The following ZNF469 variants were observed in gnomAD, a reference collection of about 807,000 sequenced individuals.
ZNF469 encodes the protein zinc finger protein 469.
In ZNF469, 1 loss-of-function variant was observed where a neutral mutation model predicts 1.0. The ratio of observed to expected loss-of-function variants is 1.00; its 90% confidence interval spans 0.35 to 4.73. The LOEUF (loss-of-function observed/expected upper bound fraction) is 4.73, where lower values mean the gene tolerates loss of function less well. Ranked by LOEUF, ZNF469 falls within the 30% of genes most tolerant of loss-of-function variation. The pLI is 0.16. For missense variants in ZNF469, 6,100 were observed against 5,356.3 expected (o/e 1.14, Z -4.33); for synonymous variants, 2,703 against 2,363.4 (o/e 1.14, Z -4.17).
At position 88,433,833 on chromosome 16, in the gene ZNF469, C is replaced by G. The variant is rs1400950943; in HGVS notation, c.6363C>G (p.Ala2121=). Residue 2121 remains alanine, a synonymous_variant, in exon 3 of 3, where the codon GCC becomes GCG. Transcript: ENST00000565624. The part of the protein sequence containing the change: ...AACAPSPTSA[A]HMPCSLGPLP... Reference sequence around the variant, plus strand: ...GCGCCCCCTCACCCACTTCAGCCGCCCACATGCCCTGCAGCCTTGGGCCCC... The same window carrying G: ...GCGCCCCCTCACCCACTTCAGCCGCGCACATGCCCTGCAGCCTTGGGCCCC... 6.5e-7 allele frequency: 1 copy of G among 1,549,874 alleles called. No individual in the cohort carries two copies. Among genetic ancestry groups the G allele is most frequent in the South Asian group, 1.2e-5 (1 of 84,014 alleles).
At chr16:88,140,975 G>A in the ZNF469 span, among the ~76,000 whole-genome samples, 1,603 of 152,162 alleles carry the variant, frequency 0.011, 29 homozygotes, top group African/African-American at 0.034. Context: ...CAAGTCTAGC[G>A]TATGGCCCTT....
At chr16:88,234,250 C>T in the ZNF469 span, among the ~76,000 whole-genome samples, 1 of 152,224 alleles carries the variant, frequency 6.6e-6, no homozygotes, top group Non-Finnish European at 1.5e-5. Context: ...CATGCAGGCA[C>T]GTGGGTCGTG....
chr16:88,283,498 AG>A, the ZNF469 span, among the ~76,000 whole-genome samples: 61 of 152,362 alleles, frequency 4.0e-4, no homozygotes, highest in African/African-American at 1.4e-3. Context: ...CTGTGAGCCT[AG>A]GCAGTGGGTC....
the ZNF469 span, among the ~76,000 whole-genome samples, chr16:88,188,998 G>C: frequency 6.6e-6 from 1 of 152,028 alleles, no homozygotes; most frequent in East Asian, 1.9e-4. Flanking sequence ...CTTTTGGAAA[G>C]GAAGGTCCTT....
the ZNF469 span, among the ~76,000 whole-genome samples, chr16:88,297,861 T>A: frequency 6.6e-6 from 1 of 152,064 alleles, no homozygotes; most frequent in Admixed American, 6.5e-5. Context: ...CTCTTTAGGG[T>A]ACATTATTGA....
the ZNF469 span, among the ~76,000 whole-genome samples, chr16:88,219,062 G>A: frequency 6.7e-6 from 1 of 149,640 alleles, no homozygotes; most frequent in Non-Finnish European, 1.5e-5. Flanking sequence ...AACTGACAAG[G>A]GATGTGAAGG....
intron 1 of ZNF469, among the ~76,000 whole-genome samples, chr16:88,397,220 C>T (rs73249824): frequency 7.2e-4 from 110 of 152,374 alleles, no homozygotes; most frequent in African/African-American, 2.5e-3. Context: ...CCCAGGGAAG[C>T]CTCTCATTGG....
chr16:88,199,798 C>T, the ZNF469 span, among the ~76,000 whole-genome samples: 29 of 152,318 alleles, frequency 1.9e-4, no homozygotes, highest in African/African-American at 5.3e-4. Context: ...AGGGACTCAG[C>T]GTCCCCACCT....
At chr16:88,244,452 G>A in the ZNF469 span, among the ~76,000 whole-genome samples, 1 of 150,544 alleles carries the variant, frequency 6.6e-6, no homozygotes, top group African/African-American at 2.5e-5. Flanking sequence ...TAGATGGATG[G>A]ATGGGTGGAA....
chr16:88,192,449 TAAGGAA>T, the ZNF469 span, among the ~76,000 whole-genome samples: 8 of 152,056 alleles, frequency 5.3e-5, no homozygotes, highest in African/African-American at 1.9e-4. Context: ...CATGCGGTAA[TAAGGAA>T]AAGAAAATGG....
At chr16:88,197,353 A>C in the ZNF469 span, among the ~76,000 whole-genome samples, 4 of 152,224 alleles carry the variant, frequency 2.6e-5, no homozygotes, top group African/African-American at 9.6e-5. Flanking sequence ...GAGCAGGGGC[A>C]GCTTCTTCAT....
chr16:88,247,648 G>A, the ZNF469 span, among the ~76,000 whole-genome samples: 4 of 150,074 alleles, frequency 2.7e-5, no homozygotes, highest in African/African-American at 1.0e-4. Flanking sequence ...ATGAGTGGAT[G>A]AGTGAGTGAG....
At chr16:88,312,778 G>A in the ZNF469 span, among the ~76,000 whole-genome samples, 97 of 152,292 alleles carry the variant, frequency 6.4e-4, no homozygotes, top group African/African-American at 2.1e-3. Flanking sequence ...CAGTCAATGC[G>A]TCTGCCTTGT....
chr16:88,358,350 C>T, the ZNF469 span, among the ~76,000 whole-genome samples: 1 of 152,214 alleles, frequency 6.6e-6, no homozygotes. Flanking sequence ...CCGTGTTGGG[C>T]AGAGTGTCAT....
the ZNF469 span, among the ~76,000 whole-genome samples, chr16:88,149,214 G>T: frequency 1.3e-5 from 2 of 152,274 alleles, no homozygotes; most frequent in East Asian, 1.9e-4. Context: ...CAGCAGCCAG[G>T]CCCGCTTCTT....
At chr16:88,401,976 ATACG>A (rs1904892458) in intron 1 of ZNF469, among the ~76,000 whole-genome samples, 1 of 135,280 alleles carries the variant, frequency 7.4e-6, no homozygotes, top group Non-Finnish European at 1.6e-5. Context: ...GGATGGATAG[ATACG>A]TGGGTGGATG....
the ZNF469 span, among the ~76,000 whole-genome samples, chr16:88,117,790 A>G: frequency 2.6e-5 from 4 of 152,164 alleles, no homozygotes; most frequent in African/African-American, 9.7e-5. Flanking sequence ...GTGACCTGGG[A>G]GGTGGACCTG....
the ZNF469 span, among the ~76,000 whole-genome samples, chr16:88,200,885 G>A: frequency 6.6e-6 from 1 of 152,214 alleles, no homozygotes; most frequent in African/African-American, 2.4e-5. Context: ...TCCTCCGGCC[G>A]CCCCCGGCTG....
the ZNF469 span, among the ~76,000 whole-genome samples, chr16:88,247,638 A>ATGAGTGGATGAGTGAG: frequency 6.7e-6 from 1 of 148,998 alleles, no homozygotes; most frequent in Non-Finnish European, 1.5e-5. Context: ...GTGAGAGTGA[A>ATGAGTGGATGAGTGAG]TGAGTGGATG....
Sources: allele counts gnomAD v4.1 joint callset (sites outside exome capture counted in the v4.1 genomes callset), GRCh38; gene constraint gnomAD v4.1.1; transcripts MANE v1.5; gene names NCBI Gene and HGNC (gene_info 2026-07-23, HGNC 2026-07-21).